Variants in IDI1 observed in about 807,000 individuals in gnomAD.
IDI1 encodes the protein isopentenyl-diphosphate delta isomerase 1, also known as isopentenyl-diphosphate Delta-isomerase 1.
Under a neutral mutation model 32.9 loss-of-function variants are expected in IDI1, and 23 were observed. That is an observed-to-expected ratio of 0.70 (90% confidence interval 0.50 to 0.99). The LOEUF (loss-of-function observed/expected upper bound fraction) is 0.99, where lower values mean the gene tolerates loss of function less well. Ranked by LOEUF, IDI1 falls within the 50% of genes least tolerant of loss-of-function variation. The pLI, the probability that IDI1 is intolerant of heterozygous loss-of-function variation, is 0.00. For synonymous variants in IDI1, 133 were observed against 128.2 expected (o/e 1.04, Z -0.25); for missense variants, 326 against 351.9 (o/e 0.93, Z 0.59).
chr10:1,049,145 T>C, upstream of IDI1: 3 of 1,332,794 alleles, frequency 2.3e-6, no homozygotes, highest in East Asian at 3.0e-5. Context: ...CTCTGGCGCC[T>C]TTAAGGGGGT....
rs1832655556 is a variant in IDI1, at chr10:1,042,777, TAC to T, written c.407-17_407-16del. 1 of 1,608,354 alleles carries T rather than the reference TAC, an allele frequency of 6.2e-7. No homozygotes were observed. Among genetic ancestry groups the T allele is most frequent in the African/African-American group, 1.3e-5 (1 of 74,956 alleles). Reference sequence around the variant, plus strand: ...CGTAAAACAACCTGGAAAATGGTAATACAGAGACAGATCAACTTTTCTTCAAA... The same window carrying T: ...CGTAAAACAACCTGGAAAATGGTAATAGAGACAGATCAACTTTTCTTCAAA... On this transcript the variant is annotated splice_polypyrimidine_tract_variant and intron_variant, in intron 3 of 4. Transcript: ENST00000381344.
chr10:1,044,210 A>G, intron 1 of IDI1, 39 bp from the exon 2 acceptor site: 1 of 1,495,556 alleles, frequency 6.7e-7, no homozygotes, highest in Non-Finnish European at 9.2e-7. Flanking sequence ...GCCATCATAT[A>G]TTTTTCTGAA....
intron 1 of IDI1, 81 bp from the exon 2 acceptor site, chr10:1,044,252 G>A (rs1832728939): frequency 8.5e-6 from 9 of 1,063,618 alleles, no homozygotes; most frequent in Middle Eastern, 4.2e-4. Context: ...TAATGATGCT[G>A]CTTCCCCATC....
At chr10:1,051,874 C>T (rs1171896078), upstream of IDI1, among the ~76,000 whole-genome samples, 1 of 152,074 alleles carries the variant, frequency 6.6e-6, no homozygotes, top group Non-Finnish European at 1.5e-5. Flanking sequence ...TTTTAAACCA[C>T]AGGAAAACTT....
rs1025192442 is a variant in IDI1, at chr10:1,043,297, T to C, written c.406+4A>G. 6.5e-7 allele frequency: 1 copy of C among 1,549,274 alleles called. No individual in the cohort carries two copies. The highest frequency in any genetic ancestry group is 8.9e-7 in the Non-Finnish European group (1 of 1,122,146). On this transcript the variant is annotated splice_donor_region_variant and intron_variant, in intron 3 of 4. Transcript: ENST00000381344. ...ACAATATTGTACATTAAAAGTGTACTAACCTGGAAAGGTAATCTTAGCATC... is the reference window on the plus strand; with the variant it reads ...ACAATATTGTACATTAAAAGTGTACCAACCTGGAAAGGTAATCTTAGCATC...
intron 1 of IDI1, 35 bp from the exon 2 acceptor site, chr10:1,044,206 A>G (rs774408843): frequency 6.5e-7 from 1 of 1,542,938 alleles, no homozygotes; most frequent in African/African-American, 1.4e-5. Context: ...AAAGGCCATC[A>G]TATATTTTTC....
At chr10:1,049,294 A>T (rs1296471752), upstream of IDI1, 2 of 439,878 alleles carry the variant, frequency 4.5e-6, no homozygotes, top group East Asian at 4.3e-5. Context: ...CTAACGTCAG[A>T]CGTCTCGAGG....
At chr10:1,054,224 CTT>C in the IDI1 span, among the ~76,000 whole-genome samples, 3 of 152,198 alleles carry the variant, frequency 2.0e-5, no homozygotes, top group African/African-American at 7.2e-5. Context: ...CAAACCTCCA[CTT>C]TGTAAGAAAC....
Position 1,044,104 on chromosome 10 carries a change from G to A in IDI1, c.208C>T (p.Gln70Ter), listed in dbSNP as rs1832722454. The stretch of plus-strand genomic sequence containing the variant: ...CACATCTCTGCCAGGAGTTGAACCT[G>A]TTGCTTGTCGAGGTGGTTAGTGTTT... ...EINTNHLDKQ[Q>*]VQLLAEMCIL... The change falls in exon 2 of 5, where the codon CAG becomes TAG. Residue 70 changes from glutamine (Q) to a stop codon, truncating the protein, a stop_gained. Coordinates refer to ENST00000381344, the MANE Select transcript of IDI1 (RefSeq NM_004508.4). LOFTEE classifies it high-confidence loss of function. The A allele has an allele frequency of 6.2e-7, 1 of 1,613,572 alleles. No homozygotes were observed. Among genetic ancestry groups the A allele is most frequent in the Non-Finnish European group, 8.5e-7 (1 of 1,179,640 alleles).
At chr10:1,042,405 A>G (rs1285808618) in intron 4 of IDI1, 4 of 455,836 alleles carry the variant, frequency 8.8e-6, no homozygotes. Flanking sequence ...TCAACCTTAT[A>G]TAGTGCTTAA....
At chr10:1,050,868 C>A (rs1040711905), upstream of IDI1, among the ~76,000 whole-genome samples, 1 of 152,226 alleles carries the variant, frequency 6.6e-6, no homozygotes, top group Non-Finnish European at 1.5e-5. Context: ...GTCTTTTTCT[C>A]ATCAATGTTA....
At chr10:1,042,951 A>G (rs1240761073) in intron 3 of IDI1, among the ~76,000 whole-genome samples, 189 bp from the exon 4 acceptor site, 1 of 148,258 alleles carries the variant, frequency 6.7e-6, no homozygotes, top group Admixed American at 6.6e-5. Flanking sequence ...TAATTATTTT[A>G]AGGATTTTAA....
intron 1 of IDI1, 40 bp downstream of exon 1, chr10:1,048,824 C>T (rs1276677507): frequency 6.3e-7 from 1 of 1,596,410 alleles, no homozygotes; most frequent in South Asian, 1.1e-5. Flanking sequence ...CGATGCCGCC[C>T]TGCCCCTGTC....
chr10:1,041,125 G>T lies in IDI1; in HGVS notation c.*62C>A. 1 of 937,414 alleles carries T rather than the reference G, an allele frequency of 1.1e-6. No individual in the cohort carries two copies. The highest frequency in any genetic ancestry group is 1.6e-6 in the Non-Finnish European group (1 of 630,048). 58.1% of individuals were successfully genotyped at this position (937,414 alleles called of 1,614,324 possible). A position where few individuals can be genotyped will look rare whatever the true frequency, so the allele number is the denominator to read the frequency against. On this transcript the variant is annotated 3_prime_UTR_variant, in exon 5 of 5. Transcript: ENST00000381344. ...ATTAATGATAGAACTAAATTTAAAAGGAAAAAGTCATTCTAAGTTTGTTAA... is the reference window on the plus strand; with the variant it reads ...ATTAATGATAGAACTAAATTTAAAATGAAAAAGTCATTCTAAGTTTGTTAA...
intron 1 of IDI1, among the ~76,000 whole-genome samples, chr10:1,046,550 T>G: frequency 9.9e-6 from 1 of 100,924 alleles, no homozygotes; most frequent in African/African-American, 4.0e-5. Flanking sequence ...ACCGCCCAGC[T>G]GCTCCACTGT....
chr10:1,049,383 A>T (rs1256004831), upstream of IDI1, among the ~76,000 whole-genome samples: 3 of 150,228 alleles, frequency 2.0e-5, no homozygotes, highest in Non-Finnish European at 3.0e-5. Context: ...TCGGCGTCCC[A>T]TGGGAGCGAC....
At chr10:1,052,153 G>A (rs1025406392), upstream of IDI1, among the ~76,000 whole-genome samples, 2 of 152,188 alleles carry the variant, frequency 1.3e-5, no homozygotes, top group South Asian at 2.1e-4. Flanking sequence ...TTATAGGCAT[G>A]AGCCACCGCA....
chr10:1,053,224 A>G (rs1393166966), upstream of IDI1, among the ~76,000 whole-genome samples: 2 of 151,924 alleles, frequency 1.3e-5, no homozygotes, highest in Non-Finnish European at 2.9e-5. Flanking sequence ...CTGGTCTTGA[A>G]CTCCTCACCT....
Position 1,048,491 on chromosome 10 carries a change from C to T in IDI1, c.140+373G>A. Reference sequence around the variant, plus strand: ...CGTGTTTCTGACGATGCTGTCTACGCTTGTTTCTGAATTCTCTAAGGGGAG... The same window carrying T: ...CGTGTTTCTGACGATGCTGTCTACGTTTGTTTCTGAATTCTCTAAGGGGAG... On this transcript the variant is annotated intron_variant, in intron 1 of 4. Coordinates refer to ENST00000381344, the MANE Select transcript of IDI1 (RefSeq NM_004508.4). 2.4e-6 allele frequency: 3 copies of T among 1,246,328 alleles called. No individual in the cohort carries two copies. In the South Asian group the frequency reaches 4.4e-5, roughly 18 times the overall value. The allele number at this position is 1,246,328 out of a possible 1,614,324, so 77.2% of individuals were successfully genotyped here.
Sources: gnomAD v4.1 joint callset for allele counts (sites outside exome capture counted in the v4.1 genomes callset) on GRCh38, gnomAD v4.1.1 for gene constraint, MANE v1.5 for transcripts, NCBI Gene and HGNC (gene_info 2026-07-23, HGNC 2026-07-21) for gene names.